Variants in CDH12 observed in about 807,000 individuals in gnomAD.
CDH12 encodes the protein cadherin-12.
Under a neutral mutation model 74.1 loss-of-function variants are expected in CDH12, and 41 were observed. The observed-to-expected ratio is 0.55, with a 90% CI of 0.43 to 0.72. The LOEUF (loss-of-function observed/expected upper bound fraction) is 0.72, where lower values mean the gene tolerates loss of function less well. Ranked by LOEUF, CDH12 falls within the 30% of genes least tolerant of loss-of-function variation. The probability of loss-of-function intolerance (pLI) is 0.00; values close to 1 mark genes in which losing one functional copy is unlikely to be tolerated. For synonymous variants in CDH12, 399 were observed against 355.0 expected, an observed-to-expected ratio of 1.12 and a Z score of -1.39; for missense variants, 945 against 977.2, an observed-to-expected ratio of 0.97 and a Z score of 0.44.
intron 2 of CDH12, among the ~76,000 whole-genome samples, chr5:22,412,084 CAG>C (rs1424469995): frequency 1.3e-5 from 2 of 151,914 alleles, no homozygotes. Flanking sequence ...AGAAATTTCA[CAG>C]AGAGACATCT....
intron 3 of CDH12, among the ~76,000 whole-genome samples, chr5:22,239,107 T>C (rs771625633): frequency 2.6e-4 from 40 of 152,184 alleles, no homozygotes; most frequent in Non-Finnish European, 3.1e-4. Context: ...TGAAAATTAG[T>C]AAAGCTGTTG....
chr5:22,163,858 T>C (rs2150321527), intron 4 of CDH12, among the ~76,000 whole-genome samples: 1 of 152,340 alleles, frequency 6.6e-6, no homozygotes, highest in Non-Finnish European at 1.5e-5. Context: ...CTCACTGTTA[T>C]GTCTCTTTCA....
chr5:21,933,583 C>A lies in CDH12; in HGVS notation c.526+41508G>T, dbSNP rs139195465. Among the ~76,000 whole-genome samples the A allele has an allele frequency of 3.7e-3, 558 of 152,306 alleles. 8 individuals are homozygous for A. The highest frequency in any genetic ancestry group is 0.013 in the African/African-American group (528 of 41,568). On this transcript the variant is annotated intron_variant, in intron 6 of 14. Coordinates refer to ENST00000382254, the MANE Select transcript of CDH12 (RefSeq NM_004061.5). ...TCCATATATTCTACAGCATATAATA[C>A]TCCTGGGGGGATCCTCTTTTGACTC...
intron 3 of CDH12, among the ~76,000 whole-genome samples, chr5:22,345,310 T>C (rs879942078): frequency 2.0e-5 from 3 of 152,234 alleles, no homozygotes; most frequent in Non-Finnish European, 2.9e-5. Context: ...AAATAGTCTT[T>C]TCCCTGTCCT....
intron 3 of CDH12, among the ~76,000 whole-genome samples, chr5:22,342,673 TTTCC>T (rs1472085318): frequency 1.3e-5 from 2 of 150,456 alleles, no homozygotes; most frequent in East Asian, 3.9e-4. Context: ...CTTTCTTTCC[TTTCC>T]TTCTTTTTCT....
intron 4 of CDH12, among the ~76,000 whole-genome samples, chr5:22,108,850 G>T (rs963765761): frequency 2.0e-5 from 3 of 152,166 alleles, no homozygotes; most frequent in Non-Finnish European, 4.4e-5. Flanking sequence ...TTGGAGCACT[G>T]ATCCAGGTTT....
chr5:22,037,245 G>A (rs142282550), intron 5 of CDH12, among the ~76,000 whole-genome samples: 191 of 152,188 alleles, frequency 1.3e-3, no homozygotes, highest in African/African-American at 4.2e-3. Flanking sequence ...AGATTTTGCC[G>A]ACATGATTAA....
At chr5:22,759,872 T>C (rs933853144) in intron 1 of CDH12, among the ~76,000 whole-genome samples, 2 of 152,174 alleles carry the variant, frequency 1.3e-5, no homozygotes, top group Admixed American at 1.3e-4. Flanking sequence ...AGAGAAGAAC[T>C]GATGTTGTGC....
intron 1 of CDH12, among the ~76,000 whole-genome samples, chr5:22,601,387 G>T (rs1314031268): frequency 8.4e-6 from 1 of 119,348 alleles, no homozygotes; most frequent in East Asian, 3.3e-4. Context: ...AGGAACAACA[G>T]ACACTGGGAT....
At chr5:22,212,407 T>C (rs1372600441) in intron 4 of CDH12, 91 bp downstream of exon 4, 2 of 361,020 alleles carry the variant, frequency 5.5e-6, no homozygotes, top group Non-Finnish European at 7.7e-6. Flanking sequence ...ACACAGTCAC[T>C]TGCTGCAGTG....
At chr5:22,154,442 T>C (rs1189158081) in intron 4 of CDH12, among the ~76,000 whole-genome samples, 1 of 62,084 alleles carries the variant, frequency 1.6e-5, no homozygotes. Flanking sequence ...AGTGAATATA[T>C]ACACATATAT....
intron 5 of CDH12, among the ~76,000 whole-genome samples, chr5:22,031,487 C>T (rs1366444973): frequency 6.6e-6 from 1 of 152,142 alleles, no homozygotes; most frequent in Admixed American, 6.6e-5. Flanking sequence ...TAATTTCCTT[C>T]AAGAACTTTT....
In CDH12 at chr5:22,006,079, G is replaced by A. The variant is rs562673656; in HGVS notation, c.232-30694C>T. 2.0e-3 allele frequency among the ~76,000 whole-genome samples: 312 copies of A among 152,204 alleles called. 4 individuals are homozygous for A. Among genetic ancestry groups the A allele is most frequent in the African/African-American group, 6.9e-3 (286 of 41,550 alleles). ...AGGCATCCCACTGACCTGATTTTCT[G>A]TCTCCTCATCTGGCCCTCTTTATCA... On this transcript the variant is annotated intron_variant, in intron 5 of 14. Coordinates refer to ENST00000382254, the MANE Select transcript of CDH12 (RefSeq NM_004061.5).
At chr5:21,819,333 T>C (rs1025074230) in intron 8 of CDH12, among the ~76,000 whole-genome samples, 2 of 152,040 alleles carry the variant, frequency 1.3e-5, no homozygotes, top group Non-Finnish European at 2.9e-5. Flanking sequence ...GACAAAGTTA[T>C]TACAGTTGTA....
chr5:22,700,195 C>T (rs1346246764), intron 1 of CDH12, among the ~76,000 whole-genome samples: 1 of 152,100 alleles, frequency 6.6e-6, no homozygotes, highest in Non-Finnish European at 1.5e-5. Flanking sequence ...CTGGATAGTG[C>T]TAATGACATG....
intron 4 of CDH12, among the ~76,000 whole-genome samples, chr5:22,150,774 C>G (rs775738784): frequency 1.3e-4 from 20 of 152,098 alleles, no homozygotes; most frequent in African/African-American, 4.8e-4. Context: ...ATAAGGTATA[C>G]CTTTACTAGT....
In CDH12 at chr5:22,399,049, G is replaced by C. The variant is rs1005068255; in HGVS notation, c.-333+6208C>G. On this transcript the variant is annotated intron_variant, in intron 3 of 14. Coordinates refer to ENST00000382254, the MANE Select transcript of CDH12 (RefSeq NM_004061.5). ...GTTTTGTTTTGTTTGCTTTTGGTGT[G>C]TTCTTGATAATCTCTGGTGTTTCTG... Among the ~76,000 whole-genome samples, 26 of 152,044 alleles carry C rather than the reference G, an allele frequency of 1.7e-4. 1 individual carries two copies. Among genetic ancestry groups the C allele is most frequent in the African/African-American group, 6.3e-4 (26 of 41,494 alleles).
chr5:22,333,398 G>A (rs1473331759), intron 3 of CDH12, among the ~76,000 whole-genome samples: 1 of 151,936 alleles, frequency 6.6e-6, no homozygotes, highest in African/African-American at 2.4e-5. Context: ...TGGGTTGACA[G>A]GTGCAGCAAA....
chr5:22,054,795 T>A (rs1206736049), intron 5 of CDH12, among the ~76,000 whole-genome samples: 1 of 152,152 alleles, frequency 6.6e-6, no homozygotes, highest in Non-Finnish European at 1.5e-5. Context: ...GTCACCATAA[T>A]GATTGGGAAA....
Sources: allele counts gnomAD v4.1 joint callset (sites outside exome capture counted in the v4.1 genomes callset), GRCh38; gene constraint gnomAD v4.1.1; transcripts MANE v1.5; gene names NCBI Gene and HGNC (gene_info 2026-07-23, HGNC 2026-07-21).